Variants in OLFM3 observed in about 807,000 individuals in gnomAD.
OLFM3 encodes the protein olfactomedin 3, also known as noelin-3.
A neutral mutation model predicts 48.6 loss-of-function variants in OLFM3; 20 were observed. The ratio of observed to expected loss-of-function variants is 0.41; its 90% CI spans 0.29 to 0.60. OLFM3 has a LOEUF of 0.60. Among genes scored for constraint, OLFM3 ranks in the 20% least tolerant of loss-of-function variants. The pLI is 0.28. For missense variants in OLFM3, 437 were observed against 544.3 expected (o/e 0.80, Z 1.96); for synonymous variants, 222 against 198.1 (o/e 1.12, Z -1.01).
chr1:101,888,238 G>T (rs981836788), intron 1 of OLFM3, among the ~76,000 whole-genome samples: 7 of 152,042 alleles, frequency 4.6e-5, no homozygotes, highest in African/African-American at 1.7e-4. Flanking sequence ...CACACTACCT[G>T]ACTTCAAACT....
intron 1 of OLFM3, among the ~76,000 whole-genome samples, chr1:101,918,748 G>T (rs896734877): frequency 2.6e-5 from 4 of 152,090 alleles, no homozygotes; most frequent in South Asian, 4.2e-4. Context: ...ATTAGAGGTG[G>T]CATTCTTCTG....
chr1:101,936,941 T>C (rs1329838151), intron 1 of OLFM3, among the ~76,000 whole-genome samples: 1 of 152,170 alleles, frequency 6.6e-6, no homozygotes. Context: ...ACCCCTTCCG[T>C]ACATCATATA....
chr1:101,970,455 GAATT>G (rs1360025186), intron 1 of OLFM3, among the ~76,000 whole-genome samples: 1 of 152,196 alleles, frequency 6.6e-6, no homozygotes, highest in African/African-American at 2.4e-5. Flanking sequence ...CTCTCCTAAT[GAATT>G]AATTCTTTTC....
chr1:101,895,691 T>G (rs1408883637), intron 1 of OLFM3, among the ~76,000 whole-genome samples: 1 of 152,128 alleles, frequency 6.6e-6, no homozygotes, highest in Non-Finnish European at 1.5e-5. Context: ...TTGTGTGGCT[T>G]CACTACTATT....
At chr1:101,896,409 C>T (rs1043570254) in intron 1 of OLFM3, among the ~76,000 whole-genome samples, 1 of 151,334 alleles carries the variant, frequency 6.6e-6, no homozygotes, top group Non-Finnish European at 1.5e-5. Flanking sequence ...GGACACAGTT[C>T]GTGCACTCAC....
At chr1:101,921,556 T>C (rs1056052008) in intron 1 of OLFM3, among the ~76,000 whole-genome samples, 1 of 152,296 alleles carries the variant, frequency 6.6e-6, no homozygotes. Flanking sequence ...TAAAAGGCAC[T>C]TGGGCTCATT....
intron 1 of OLFM3, among the ~76,000 whole-genome samples, chr1:101,869,814 G>A (rs943361189): frequency 6.6e-6 from 1 of 152,034 alleles, no homozygotes; most frequent in Non-Finnish European, 1.5e-5. Context: ...TAACCATCTG[G>A]TGTTTTCTCT....
At chr1:101,982,351 A>G (rs575895918) in intron 1 of OLFM3, among the ~76,000 whole-genome samples, 5 of 152,218 alleles carry the variant, frequency 3.3e-5, no homozygotes, top group Non-Finnish European at 7.4e-5. Flanking sequence ...TTTTGTTTAG[A>G]TGATTAAAAT....
At chr1:101,957,568 G>C (rs1310751838) in intron 1 of OLFM3, among the ~76,000 whole-genome samples, 2 of 151,996 alleles carry the variant, frequency 1.3e-5, no homozygotes, top group Non-Finnish European at 2.9e-5. Flanking sequence ...AGCCAAATGT[G>C]ACTGAAATAA....
At chr1:101,824,882 A>G in intron 4 of OLFM3, 144 bp downstream of exon 4, 1 of 683,806 alleles carries the variant, frequency 1.5e-6, no homozygotes, top group African/African-American at 1.8e-5. Flanking sequence ...TGCTTAAGTC[A>G]TTAGGGGACA....
chr1:101,848,240 AAAG>A (rs1157464706), intron 1 of OLFM3, among the ~76,000 whole-genome samples: 2 of 152,216 alleles, frequency 1.3e-5, no homozygotes, highest in African/African-American at 2.4e-5. Context: ...AATTAAATGA[AAAG>A]AAATTGGTTA....
At chr1:101,924,783 G>A (rs1023736701) in intron 1 of OLFM3, among the ~76,000 whole-genome samples, 46 of 152,084 alleles carry the variant, frequency 3.0e-4, no homozygotes, top group Non-Finnish European at 4.4e-5. Flanking sequence ...TCTCCAATCA[G>A]ATCAAAGCTC....
intron 1 of OLFM3, among the ~76,000 whole-genome samples, chr1:101,989,573 A>G (rs1043420938): frequency 4.6e-5 from 5 of 107,832 alleles, no homozygotes; most frequent in Non-Finnish European, 9.0e-5. Context: ...TAGATATTAC[A>G]TATTTCCTTT....
intron 1 of OLFM3, among the ~76,000 whole-genome samples, chr1:101,870,229 A>G (rs1274929593): frequency 6.6e-6 from 1 of 151,276 alleles, no homozygotes; most frequent in Non-Finnish European, 1.5e-5. Flanking sequence ...TTTGTAGCTG[A>G]AAAAAAAATC....
chr1:101,949,793 C>T (rs1660067078), intron 1 of OLFM3, among the ~76,000 whole-genome samples: 1 of 151,756 alleles, frequency 6.6e-6, no homozygotes, highest in African/African-American at 2.4e-5. Context: ...AGCCGGGCGT[C>T]GTGGTGGGCA....
At chr1:101,894,852 A>G (rs1477414827) in intron 1 of OLFM3, among the ~76,000 whole-genome samples, 1 of 152,144 alleles carries the variant, frequency 6.6e-6, no homozygotes, top group Non-Finnish European at 1.5e-5. Context: ...TCCTTCTTTA[A>G]GCTTTCCAGT....
intron 1 of OLFM3, among the ~76,000 whole-genome samples, chr1:101,961,172 T>C (rs1172892120): frequency 6.6e-6 from 1 of 152,102 alleles, no homozygotes; most frequent in Non-Finnish European, 1.5e-5. Flanking sequence ...AGTATATTTT[T>C]AGAGGATTAA....
intron 4 of OLFM3, among the ~76,000 whole-genome samples, chr1:101,816,606 A>C (rs1009971775): frequency 6.6e-6 from 1 of 152,174 alleles, no homozygotes; most frequent in Non-Finnish European, 1.5e-5. Flanking sequence ...AATCTAGGCC[A>C]CAGCATTCAA....
intron 1 of OLFM3, among the ~76,000 whole-genome samples, chr1:101,901,438 G>A (rs1658383597): frequency 6.6e-6 from 1 of 152,090 alleles, no homozygotes; most frequent in Non-Finnish European, 1.5e-5. Context: ...TTACATATGG[G>A]TATAGAGATT....
Sources: allele counts gnomAD v4.1 joint callset (sites outside exome capture counted in the v4.1 genomes callset), GRCh38; gene constraint gnomAD v4.1.1; transcripts MANE v1.5; gene names NCBI Gene and HGNC (gene_info 2026-07-23, HGNC 2026-07-21).